Variants in GMDS observed in about 807,000 individuals in gnomAD.
GMDS encodes the protein GDP-mannose 4,6 dehydratase.
Under a neutral mutation model 49.9 loss-of-function variants are expected in GMDS, and 20 were observed. The ratio of observed to expected loss-of-function variants is 0.40; its 90% confidence interval spans 0.28 to 0.58. The LOEUF (loss-of-function observed/expected upper bound fraction) is 0.58. Ranked by LOEUF, GMDS falls within the 20% of genes least tolerant of loss-of-function variation. The probability of loss-of-function intolerance (pLI) is 0.42; values close to 1 mark genes in which losing one functional copy is unlikely to be tolerated. For synonymous variants in GMDS, 177 were observed against 178.6 expected (o/e 0.99, Z 0.07); for missense variants, 362 against 481.4 (o/e 0.75, Z 2.32).
intron 9 of GMDS, among the ~76,000 whole-genome samples, chr6:1,687,025 A>T (rs1296729324): frequency 1.3e-5 from 2 of 152,242 alleles, no homozygotes; most frequent in Non-Finnish European, 2.9e-5. Context: ...AGGAAGATAC[A>T]AATGTTTAAA....
chr6:1,759,545 C>G (rs953873952), intron 7 of GMDS, among the ~76,000 whole-genome samples: 1 of 152,174 alleles, frequency 6.6e-6, no homozygotes, highest in African/African-American at 2.4e-5. Context: ...TGTGAGCTAA[C>G]CTGGGGACCT....
At chr6:2,107,408 AAT>A (rs1378485109) in intron 4 of GMDS, among the ~76,000 whole-genome samples, 2 of 152,228 alleles carry the variant, frequency 1.3e-5, no homozygotes, top group African/African-American at 2.4e-5. Flanking sequence ...TACCCTGATG[AAT>A]ACAAAGTCAA....
At chr6:1,850,763 T>C (rs530614276) in intron 7 of GMDS, among the ~76,000 whole-genome samples, 1 of 152,336 alleles carries the variant, frequency 6.6e-6, no homozygotes, top group Admixed American at 6.5e-5. Flanking sequence ...TGATACGTTA[T>C]TGGATCCAGA....
At position 1,986,490 on chromosome 6, in the gene GMDS, T is replaced by C. The variant is rs142399773; in HGVS notation, c.346-25524A>G. ...ACTACCTTAAAGAGGGCAGAAAATA[T>C]ATTAAGAATTAAATACCTAAGAAAG... On this transcript the variant is annotated intron_variant, in intron 4 of 10. Transcript: ENST00000380815. Among the ~76,000 whole-genome samples the C allele has an allele frequency of 2.6e-5, 4 of 152,374 alleles. No homozygotes were observed. In the East Asian group the frequency reaches 5.8e-4, roughly 22 times the overall value.
At chr6:1,632,572 A>G (rs1419539519) in intron 9 of GMDS, among the ~76,000 whole-genome samples, 2 of 152,200 alleles carry the variant, frequency 1.3e-5, no homozygotes, top group African/African-American at 4.8e-5. Context: ...CAGTATATAG[A>G]TTTTATCTCA....
intron 6 of GMDS, 165 bp downstream of exon 6, chr6:1,959,702 A>T: frequency 2.5e-6 from 1 of 407,398 alleles, no homozygotes; most frequent in Non-Finnish European, 4.4e-6. Context: ...ATTACAAAAA[A>T]CTAAGGCTGG....
chr6:2,098,508 A>C (rs1402857097), intron 4 of GMDS, among the ~76,000 whole-genome samples: 4 of 152,258 alleles, frequency 2.6e-5, no homozygotes, highest in Non-Finnish European at 5.9e-5. Context: ...ATTTAGAAAC[A>C]AAATCTTAAA....
intron 7 of GMDS, among the ~76,000 whole-genome samples, chr6:1,927,293 G>T (rs11753438): frequency 9.2e-5 from 1 of 10,822 alleles, no homozygotes; most frequent in Admixed American, 8.8e-4. Context: ...TAGCGTGTTG[G>T]TGTATTTTTA....
intron 7 of GMDS, among the ~76,000 whole-genome samples, chr6:1,912,816 T>C (rs1343582552): frequency 1.3e-5 from 2 of 152,086 alleles, no homozygotes; most frequent in East Asian, 3.9e-4. Context: ...TGTAGAATAT[T>C]ACAACATAAA....
intron 7 of GMDS, among the ~76,000 whole-genome samples, chr6:1,828,869 T>A (rs1561831901): frequency 6.6e-6 from 1 of 152,158 alleles, no homozygotes; most frequent in Non-Finnish European, 1.5e-5. Context: ...CCCTGCACTG[T>A]AAAAAAATTA....
intron 7 of GMDS, among the ~76,000 whole-genome samples, chr6:1,866,522 GT>G (rs2113794817): frequency 6.6e-6 from 1 of 152,288 alleles, no homozygotes; most frequent in East Asian, 1.9e-4. Context: ...GCAGGTCTCA[GT>G]TTACTCCTGA....
chr6:2,078,823 T>C (rs954603401), intron 4 of GMDS, among the ~76,000 whole-genome samples: 3 of 152,038 alleles, frequency 2.0e-5, no homozygotes, highest in Admixed American at 6.6e-5. Context: ...GTTTGTTAAC[T>C]TTCTGTCTAA....
chr6:1,888,953 CT>C (rs1366260221), intron 7 of GMDS, among the ~76,000 whole-genome samples: 2 of 152,210 alleles, frequency 1.3e-5, no homozygotes, highest in African/African-American at 4.8e-5. Context: ...CAAGGTCACA[CT>C]AATGCAAGAG....
intron 7 of GMDS, among the ~76,000 whole-genome samples, chr6:1,832,730 T>G (rs1390369563): frequency 4.6e-5 from 7 of 152,190 alleles, no homozygotes; most frequent in Non-Finnish European, 8.8e-5. Context: ...GAGAAAAGAA[T>G]GAACAAAGTG....
intron 9 of GMDS, 46 bp from the exon 10 acceptor site, chr6:1,624,586 T>TG: frequency 3.7e-6 from 5 of 1,334,998 alleles, no homozygotes; most frequent in Non-Finnish European, 5.3e-6. Context: ...GTCGTGGGGG[T>TG]GGGGGCAGCA....
chr6:1,768,508 A>G (rs527863838), intron 7 of GMDS, among the ~76,000 whole-genome samples: 1 of 152,254 alleles, frequency 6.6e-6, no homozygotes, highest in African/African-American at 2.4e-5. Context: ...CCAAGGAGGT[A>G]CTACGTTTAC....
chr6:2,029,335 C>T (rs189038538), intron 4 of GMDS, among the ~76,000 whole-genome samples: 249 of 152,202 alleles, frequency 1.6e-3, no homozygotes, highest in Admixed American at 3.4e-3. Flanking sequence ...GGTGACTGTC[C>T]GGTTTGTCAA....
chr6:2,220,155 A>G (rs1314570689), intron 1 of GMDS, among the ~76,000 whole-genome samples: 1 of 152,240 alleles, frequency 6.6e-6, no homozygotes, highest in African/African-American at 2.4e-5. Flanking sequence ...ATGACTCCGG[A>G]GGAAACATCT....
chr6:2,003,145 A>G lies in GMDS; in HGVS notation c.346-42179T>C, dbSNP rs1766935141. ...TGTCAGAGTGAAAATCAGATTCCATATATGGAATAATTTACTCCTTAGTCA... is the reference window on the plus strand; with the variant it reads ...TGTCAGAGTGAAAATCAGATTCCATGTATGGAATAATTTACTCCTTAGTCA... On this transcript the variant is annotated intron_variant, in intron 4 of 10. Coordinates refer to ENST00000380815, the MANE Select transcript of GMDS (RefSeq NM_001500.4). Among the ~76,000 whole-genome samples the G allele has an allele frequency of 2.0e-5, 3 of 152,144 alleles. No homozygotes were observed. The South Asian group carries it at 6.2e-4, about 32-fold the overall frequency.
Sources: gnomAD v4.1 joint callset for allele counts (sites outside exome capture counted in the v4.1 genomes callset) on GRCh38, gnomAD v4.1.1 for gene constraint, MANE v1.5 for transcripts, NCBI Gene and HGNC (gene_info 2026-07-23, HGNC 2026-07-21) for gene names.